Variants in MALRD1 observed in about 807,000 individuals in gnomAD.
The protein encoded by MALRD1 is MAM and LDL receptor class A domain containing 1.
In MALRD1, 247 loss-of-function variants were observed where a neutral mutation model predicts 242.1. That is an observed-to-expected ratio of 1.02 (90% CI 0.92 to 1.13). MALRD1 has a LOEUF of 1.13. MALRD1 is among the 50% of genes most tolerant of loss of function. The pLI, the probability that MALRD1 is intolerant of heterozygous loss-of-function variation, is 0.00. For missense variants in MALRD1, 2,989 were observed against 2,533.1 expected (o/e 1.18, Z -3.86); for synonymous variants, 995 against 866.6 (o/e 1.15, Z -2.60).
chr10:19,612,541 C>T (rs59587276), intron 35 of MALRD1, among the ~76,000 whole-genome samples: 2,051 of 151,952 alleles, frequency 0.013, 36 homozygotes, highest in African/African-American at 0.047. Flanking sequence ...GCTATCCCTT[C>T]TCTAGTGTGC....
chr10:19,719,235 T>TACATACAGAC (rs745328536), intron 38 of MALRD1, among the ~76,000 whole-genome samples: 1 of 116,226 alleles, frequency 8.6e-6, no homozygotes, highest in Non-Finnish European at 1.7e-5. Flanking sequence ...TATATATATA[T>TACATACAGAC]ATATATATAT....
chr10:19,574,629 T>C (rs145042290), intron 33 of MALRD1, among the ~76,000 whole-genome samples: 2 of 152,356 alleles, frequency 1.3e-5, no homozygotes, highest in African/African-American at 4.8e-5. Context: ...AAACTATGGC[T>C]GTACCATACT....
intron 33 of MALRD1, among the ~76,000 whole-genome samples, chr10:19,581,759 G>T (rs1003378388): frequency 2.0e-5 from 3 of 150,330 alleles, no homozygotes; most frequent in Non-Finnish European, 4.4e-5. Flanking sequence ...TGGGTCAAAT[G>T]GTATTTCTAG....
At chr10:19,114,321 A>G (rs1032857676) in intron 5 of MALRD1, among the ~76,000 whole-genome samples, 1 of 152,230 alleles carries the variant, frequency 6.6e-6, no homozygotes, top group Non-Finnish European at 1.5e-5. Context: ...GTGGACTTAA[A>G]GAAAATGAGT....
rs531634897 is a variant in MALRD1, at chr10:19,593,938, A to G, written c.5681-1256A>G. On this transcript the variant is annotated intron_variant, in intron 33 of 39. Transcript: ENST00000454679. ...ACACTGTGATTTTATCTAGCTTTGG[A>G]TATGACAGCACATGGCCTTTGACCT... 3.9e-5 allele frequency among the ~76,000 whole-genome samples: 6 copies of G among 152,288 alleles called. No homozygotes were observed. The South Asian group carries it at 1.0e-3, about 26-fold the overall frequency.
chr10:19,621,842 C>T (rs1414529712), intron 36 of MALRD1, among the ~76,000 whole-genome samples: 2 of 151,616 alleles, frequency 1.3e-5, no homozygotes, highest in African/African-American at 4.8e-5. Flanking sequence ...GGAAAAGAAC[C>T]AAATAACACA....
intron 36 of MALRD1, among the ~76,000 whole-genome samples, chr10:19,624,513 A>G (rs1226632076): frequency 6.6e-6 from 1 of 152,148 alleles, no homozygotes; most frequent in Non-Finnish European, 1.5e-5. Flanking sequence ...TGACATGCCT[A>G]TGGTCATGAC....
intron 28 of MALRD1, among the ~76,000 whole-genome samples, chr10:19,447,582 TG>T (rs776318481): frequency 2.0e-5 from 3 of 152,202 alleles, no homozygotes; most frequent in Non-Finnish European, 4.4e-5. Flanking sequence ...TGATGGTATT[TG>T]TTGAAAATTC....
At chr10:19,374,516 G>A (rs569277838) in intron 26 of MALRD1, among the ~76,000 whole-genome samples, 85 of 152,252 alleles carry the variant, frequency 5.6e-4, no homozygotes, top group Non-Finnish European at 1.1e-3. Context: ...ACAGTTTTGT[G>A]ATTTTATTTA....
intron 26 of MALRD1, among the ~76,000 whole-genome samples, chr10:19,365,746 A>G (rs769813967): frequency 6.6e-6 from 1 of 150,720 alleles, no homozygotes; most frequent in Non-Finnish European, 1.5e-5. Context: ...GTTGAGACTT[A>G]CTTGGATCTT....
At chr10:19,673,866 A>T (rs539266503) in intron 36 of MALRD1, among the ~76,000 whole-genome samples, 1 of 151,758 alleles carries the variant, frequency 6.6e-6, no homozygotes, top group African/African-American at 2.4e-5. Context: ...AAGTACTTTT[A>T]TTATACTTAC....
intron 28 of MALRD1, among the ~76,000 whole-genome samples, chr10:19,412,073 T>C (rs1589039067): frequency 6.6e-6 from 1 of 152,084 alleles, no homozygotes; most frequent in Non-Finnish European, 1.5e-5. Context: ...CCAAGGTGGG[T>C]GGATCACCTG....
At chr10:19,549,017 A>G (rs1285083939) in intron 32 of MALRD1, among the ~76,000 whole-genome samples, 1 of 152,326 alleles carries the variant, frequency 6.6e-6, no homozygotes, top group East Asian at 1.9e-4. Flanking sequence ...ATGATAATGA[A>G]GCAAAACAGC....
At chr10:19,562,314 TA>T (rs1836008646) in intron 32 of MALRD1, among the ~76,000 whole-genome samples, 1 of 135,388 alleles carries the variant, frequency 7.4e-6, no homozygotes, top group South Asian at 2.2e-4. Context: ...GATAGATAGA[TA>T]GATAGATAGA....
intron 19 of MALRD1, among the ~76,000 whole-genome samples, chr10:19,267,506 G>A (rs1281617221): frequency 6.6e-6 from 1 of 151,984 alleles, no homozygotes; most frequent in Non-Finnish European, 1.5e-5. Context: ...TGTCTCACCA[G>A]CTTTATTTAC....
intron 21 of MALRD1, among the ~76,000 whole-genome samples, chr10:19,285,326 C>T (rs1841053013): frequency 7.2e-6 from 1 of 138,444 alleles, no homozygotes; most frequent in Non-Finnish European, 1.6e-5. Context: ...AAGTCCTTGC[C>T]CACGCCTATA....
chr10:19,466,594 G>T (rs1836227366), intron 29 of MALRD1, among the ~76,000 whole-genome samples: 3 of 152,130 alleles, frequency 2.0e-5, no homozygotes, highest in South Asian at 2.1e-4. Context: ...TCTCTCCACG[G>T]CTTGAAGATG....
At chr10:19,655,112 G>A (rs1841080245) in intron 36 of MALRD1, among the ~76,000 whole-genome samples, 1 of 152,108 alleles carries the variant, frequency 6.6e-6, no homozygotes, top group Non-Finnish European at 1.5e-5. Flanking sequence ...ACAGAATAAA[G>A]CTGCAAAGGT....
At chr10:19,606,833 A>T (rs545187862) in intron 34 of MALRD1, among the ~76,000 whole-genome samples, 1 of 152,134 alleles carries the variant, frequency 6.6e-6, no homozygotes, top group South Asian at 2.1e-4. Flanking sequence ...AGAAGTTCCC[A>T]TTTAACTCTA....
Sources: gnomAD v4.1 joint callset for allele counts (sites outside exome capture counted in the v4.1 genomes callset) on GRCh38, gnomAD v4.1.1 for gene constraint, MANE v1.5 for transcripts, NCBI Gene and HGNC (gene_info 2026-07-23, HGNC 2026-07-21) for gene names.